Variants in IMPACT observed in about 807,000 individuals in gnomAD.
IMPACT encodes protein IMPACT.
In IMPACT, 35 loss-of-function variants were observed where a neutral mutation model predicts 47.5. That is an observed-to-expected ratio of 0.74 (90% CI 0.56 to 0.98). The LOEUF is 0.98. Among genes scored for constraint, IMPACT ranks in the 50% least tolerant of loss-of-function variants. IMPACT has a pLI of 0.00. For synonymous variants in IMPACT, 118 were observed against 125.6 expected (o/e 0.94, Z 0.40); for missense variants, 373 against 394.8 (o/e 0.94, Z 0.47).
chr18:24,442,985 T>G (rs1599766238), intron 6 of IMPACT, 64 bp from the exon 7 acceptor site: 1 of 809,390 alleles, frequency 1.2e-6, no homozygotes, highest in East Asian at 2.7e-5. Context: ...GCCCCCCCAT[T>G]TCATTTTTTT....
In IMPACT at chr18:24,443,127, T is replaced by G. The variant is rs1909161182; in HGVS notation, c.569T>G (p.Leu190Trp). The G allele has an allele frequency of 1.2e-6, 2 of 1,601,798 alleles. No individual in the cohort carries two copies. Among genetic ancestry groups the G allele is most frequent in the Middle Eastern group, 1.7e-4 (1 of 6,036 alleles). ...TDRRSTFQAHLAPVVCPKQVK... is the reference protein window; with the variant it reads ...TDRRSTFQAHWAPVVCPKQVK... ...CGAAGAAGTACTTTTCAGGCACACT[T>G]GGCTCCAGTGGTTTGTCCCAAACAG... The change falls in exon 7 of 11, where the codon TTG (leucine) becomes TGG (tryptophan). Residue 190 changes from leucine to tryptophan, a missense_variant. Transcript: ENST00000284202.
intron 4 of IMPACT, among the ~76,000 whole-genome samples, chr18:24,432,692 T>G (rs1192565324): frequency 2.0e-5 from 3 of 152,106 alleles, no homozygotes; most frequent in Admixed American, 1.3e-4. Context: ...TTTGCCAATT[T>G]ATCTGCCCCC....
chr18:24,436,520 T>C (rs8095025), intron 4 of IMPACT, among the ~76,000 whole-genome samples: 29,654 of 151,802 alleles, frequency 0.2, 3,387 homozygotes, highest in African/African-American at 0.3. Flanking sequence ...AGGTGTGAGC[T>C]GCCACATCTG....
At position 24,443,125 on chromosome 18, in the gene IMPACT, C is replaced by T. The variant is rs749261029; in HGVS notation, c.567C>T (p.His189=). The part of the protein sequence containing the change: ...ITDRRSTFQA[H]LAPVVCPKQV... The stretch of plus-strand genomic sequence containing the variant: ...ACCGAAGAAGTACTTTTCAGGCACA[C>T]TTGGCTCCAGTGGTTTGTCCCAAAC... Residue 189 remains histidine, a synonymous_variant, in exon 7 of 11, where the codon CAC becomes CAT. Transcript: ENST00000284202. The T allele has an allele frequency of 2.3e-5, 37 of 1,604,164 alleles. No homozygotes were observed. Among genetic ancestry groups the T allele is most frequent in the Non-Finnish European group, 3.0e-5 (35 of 1,172,564 alleles).
At chr18:24,445,554 G>A (rs915520386) in intron 8 of IMPACT, 88 bp downstream of exon 8, 1 of 723,828 alleles carries the variant, frequency 1.4e-6, no homozygotes, top group African/African-American at 1.8e-5. Context: ...TAACTATTGT[G>A]TATTTTTTCC....
intron 3 of IMPACT, among the ~76,000 whole-genome samples, 196 bp from the exon 4 acceptor site, chr18:24,430,126 G>T (rs1036856710): frequency 1.3e-5 from 2 of 152,090 alleles, no homozygotes; most frequent in Non-Finnish European, 2.9e-5. Context: ...TTTTGTTTTT[G>T]TCATGGTTTC....
At position 24,449,945 on chromosome 18, in the gene IMPACT, A is replaced by G; in HGVS notation, c.886A>G (p.Asn296Asp). The G allele has an allele frequency of 6.2e-7, 1 of 1,614,020 alleles. No homozygotes were observed. The highest frequency in any genetic ancestry group is 8.5e-7 in the Non-Finnish European group (1 of 1,179,896). The change falls in exon 10 of 11, where the codon AAT becomes GAT. Residue 296 changes from asparagine to aspartate, a missense_variant. Coordinates refer to ENST00000284202, the MANE Select transcript of IMPACT (RefSeq NM_018439.4). The part of the protein sequence containing the change: ...RNILVEKNYT[N>D]SPEESSKALG... ...CATACTAGTGGAAAAGAACTACACA[A>G]ATTCACCTGTAAGTGGCTCTTCGTA... is the stretch of plus-strand genomic sequence containing the variant.
chr18:24,434,776 A>AAAATATATAT lies in IMPACT; in HGVS notation c.282-3178_282-3177insAATATATATA, dbSNP rs1164402384. The stretch of plus-strand genomic sequence containing the variant: ...AAAACTCTGTCTCAAAAAAAAAAAA[A>AAAATATATAT]ATATATATATATATATATATGTGTG... On this transcript the variant is annotated intron_variant, in intron 4 of 10. Coordinates refer to ENST00000284202, the MANE Select transcript of IMPACT (RefSeq NM_018439.4). Among the ~76,000 whole-genome samples the AAAATATATAT allele has an allele frequency of 9.6e-5, 11 of 113,998 alleles. 2 individuals are homozygous for AAAATATATAT. Among genetic ancestry groups the AAAATATATAT allele is most frequent in the African/African-American group, 4.1e-4 (10 of 24,306 alleles). The allele number at this position is 113,998 out of a possible 152,430, so 74.8% of individuals were successfully genotyped here. A position where few individuals can be genotyped will look rare whatever the true frequency, so the allele number is the denominator to read the frequency against.
rs1308508727 is a variant in IMPACT, at chr18:24,430,340, G to A, written c.237G>A (p.Gly79=). 4 of 1,597,998 alleles carry A rather than the reference G, an allele frequency of 2.5e-6. No homozygotes were observed. Among genetic ancestry groups the A allele is most frequent in the Middle Eastern group, 1.7e-4 (1 of 6,018 alleles). The change falls in exon 4 of 11, where the codon GGG becomes GGA. Residue 79 remains glycine (G), a synonymous_variant. Coordinates refer to ENST00000284202, the MANE Select transcript of IMPACT (RefSeq NM_018439.4). The part of the protein sequence containing the change: ...IYQLNAPWLK[G]QERADLSNSL... The stretch of plus-strand genomic sequence containing the variant: ...ATCTTAGTGCTCCTTGGCTTAAAGG[G>A]CAAGAACGTGCGGATTTATCAAATA...
In IMPACT at chr18:24,443,055, AAGTAGAAG is replaced by A. The variant is rs1167317014; in HGVS notation, c.499_506del (p.Val167IlefsTer5). On this transcript the variant is annotated frameshift_variant, in exon 7 of 11. Coordinates refer to ENST00000284202, the MANE Select transcript of IMPACT (RefSeq NM_018439.4). LOFTEE classifies it high-confidence loss of function. ...GTTTCTTTTACATTTCTAGAAGTAGAAGTAGAAGAATTACCTCCGATTGATCATGGCAT... is the reference window on the plus strand; with the variant it reads ...GTTTCTTTTACATTTCTAGAAGTAGAAATTACCTCCGATTGATCATGGCAT... 9.7e-6 allele frequency: 15 copies of A among 1,548,158 alleles called. No homozygotes were observed. Among genetic ancestry groups the A allele is most frequent in the Non-Finnish European group, 1.3e-5 (15 of 1,130,000 alleles).
intron 6 of IMPACT, among the ~76,000 whole-genome samples, chr18:24,441,502 T>C (rs1449319012): frequency 6.6e-6 from 1 of 152,190 alleles, no homozygotes; most frequent in Non-Finnish European, 1.5e-5. Context: ...TTAAACAAAT[T>C]TGTTTCGTAA....
chr18:24,437,624 T>C (rs1054145422), intron 4 of IMPACT, among the ~76,000 whole-genome samples: 1 of 152,212 alleles, frequency 6.6e-6, no homozygotes, highest in African/African-American at 2.4e-5. Context: ...ACTGAAAGAT[T>C]GTATCCACTT....
In IMPACT at chr18:24,452,915, A is replaced by C. The variant is rs1027308251; in HGVS notation, c.*2068A>C. 2 of 152,302 alleles carry C rather than the reference A, an allele frequency of 1.3e-5. No homozygotes were observed. The highest frequency in any genetic ancestry group is 6.5e-5 in the Admixed American group (1 of 15,298). The allele number at this position is 152,302 out of a possible 1,614,324, so 9.4% of individuals were successfully genotyped here. On this transcript the variant is annotated 3_prime_UTR_variant, in exon 11 of 11. Transcript: ENST00000284202. ...CTGCCAAGTAGCTGGGATTACAGACAGGCATGTGCTATTACACCTGGCTAA... is the reference window on the plus strand; with the variant it reads ...CTGCCAAGTAGCTGGGATTACAGACCGGCATGTGCTATTACACCTGGCTAA...
At chr18:24,445,344 C>A in intron 7 of IMPACT, 49 bp from the exon 8 acceptor site, 2 of 1,109,122 alleles carry the variant, frequency 1.8e-6, no homozygotes, top group East Asian at 2.4e-5. Flanking sequence ...CATTTATTTA[C>A]AGAGCAAATA....
rs1209964791 is a variant in IMPACT at position 24,426,779 on chromosome 18, G to A, written c.23G>A (p.Ser8Asn). 1 of 1,241,180 alleles carries A rather than the reference G, an allele frequency of 8.1e-7. No homozygotes were observed. Among genetic ancestry groups the A allele is most frequent in the Non-Finnish European group, 1.0e-6 (1 of 989,354 alleles). The allele number at this position is 1,241,180 out of a possible 1,614,324, so 76.9% of individuals were successfully genotyped here. A position where few individuals can be genotyped will look rare whatever the true frequency, so the allele number is the denominator to read the frequency against. MAEGDAG[S>N]DQRQNEEIEA... Reference sequence around the variant, plus strand: ...CACATGGCTGAGGGGGACGCAGGGAGCGACCAGAGGCAGGTGAGGCCCCGG... The same window carrying A: ...CACATGGCTGAGGGGGACGCAGGGAACGACCAGAGGCAGGTGAGGCCCCGG... The change falls in exon 1 of 11, where the codon AGC becomes AAC. Residue 8 changes from serine (S) to asparagine (N), a missense_variant. Transcript: ENST00000284202.
rs1461168285 is a variant in IMPACT at position 24,443,168 on chromosome 18, C to T, written c.594+16C>T. 1.1e-5 allele frequency: 14 copies of T among 1,282,578 alleles called. No individual in the cohort carries two copies. Among genetic ancestry groups the T allele is most frequent in the Non-Finnish European group, 1.6e-5 (14 of 900,106 alleles). 79.4% of individuals were successfully genotyped at this position (1,282,578 alleles called of 1,614,324 possible). A position where few individuals can be genotyped will look rare whatever the true frequency, so the allele number is the denominator to read the frequency against. ...TCCCAAACAGGTAAAGTTCCTTTGTCTAGCTCACTTTGATGATTACTAAAA... is the reference window on the plus strand; with the variant it reads ...TCCCAAACAGGTAAAGTTCCTTTGTTTAGCTCACTTTGATGATTACTAAAA... On this transcript the variant is annotated intron_variant, in intron 7 of 10. Coordinates refer to ENST00000284202, the MANE Select transcript of IMPACT (RefSeq NM_018439.4).
intron 4 of IMPACT, 37 bp downstream of exon 4, chr18:24,430,421 G>A: frequency 6.8e-7 from 1 of 1,467,150 alleles, no homozygotes. Flanking sequence ...AATTCTGTTA[G>A]TGATTGTATT....
At chr18:24,449,258 T>C (rs1909319614) in intron 9 of IMPACT, among the ~76,000 whole-genome samples, 1 of 152,058 alleles carries the variant, frequency 6.6e-6, no homozygotes, top group Non-Finnish European at 1.5e-5. Flanking sequence ...CCCAGCTACT[T>C]GGGAGGCTGG....
chr18:24,433,517 A>G (rs1462261934), intron 4 of IMPACT, among the ~76,000 whole-genome samples: 1 of 150,154 alleles, frequency 6.7e-6, no homozygotes, highest in East Asian at 2.0e-4. Context: ...TTTTTTTTAA[A>G]TAGGACTTCA....
Sources: allele counts gnomAD v4.1 joint callset (sites outside exome capture counted in the v4.1 genomes callset), GRCh38; gene constraint gnomAD v4.1.1; transcripts MANE v1.5; gene names NCBI Gene and HGNC (gene_info 2026-07-23, HGNC 2026-07-21).